Variants in STK32A observed in about 807,000 individuals in gnomAD.
STK32A encodes serine/threonine kinase 32A.
In STK32A, 41 loss-of-function variants were observed where a neutral mutation model predicts 53.2. The observed-to-expected ratio is 0.77, with a 90% CI of 0.60 to 1.00. STK32A has a LOEUF of 1.00. Among genes scored for constraint, STK32A ranks in the 50% least tolerant of loss-of-function variants. The probability of loss-of-function intolerance (pLI) is 0.00; values close to 1 mark genes in which losing one functional copy is unlikely to be tolerated. For synonymous variants in STK32A, 166 were observed against 162.8 expected (o/e 1.02, Z -0.15); for missense variants, 458 against 485.8 (o/e 0.94, Z 0.54).
chr5:147,242,055 G>A (rs1051924113), intron 2 of STK32A, among the ~76,000 whole-genome samples: 2 of 152,164 alleles, frequency 1.3e-5, no homozygotes, highest in Non-Finnish European at 2.9e-5. Flanking sequence ...TTACTTTAAA[G>A]GACTCTAGAA....
At chr5:147,391,579 T>G (rs1757805432), downstream of STK32A, 1 of 152,330 alleles carries the variant, frequency 6.6e-6, no homozygotes. Flanking sequence ...TTGCATGAGG[T>G]GCCAGTGAAT....
At chr5:147,241,279 C>T (rs562823379) in intron 2 of STK32A, among the ~76,000 whole-genome samples, 5 of 152,270 alleles carry the variant, frequency 3.3e-5, no homozygotes, top group African/African-American at 9.6e-5. Flanking sequence ...GAGATCGAGA[C>T]CATCCTGGCT....
the STK32A span, chr5:147,400,656 G>A: frequency 6.2e-7 from 1 of 1,605,774 alleles, no homozygotes; most frequent in Non-Finnish European, 8.5e-7. Context: ...TGGATGTTTT[G>A]GCTCTGGCCA....
At chr5:147,338,244 T>C (rs1355610449) in intron 5 of STK32A, among the ~76,000 whole-genome samples, 4 of 151,934 alleles carry the variant, frequency 2.6e-5, no homozygotes, top group Non-Finnish European at 4.4e-5. Flanking sequence ...AGTGGGTGAG[T>C]CTCATGAGAT....
At chr5:147,379,611 C>G (rs1172665094) in intron 11 of STK32A, among the ~76,000 whole-genome samples, 2 of 151,994 alleles carry the variant, frequency 1.3e-5, no homozygotes, top group Non-Finnish European at 2.9e-5. Flanking sequence ...TTTCTTTCCC[C>G]CCAGAATATC....
chr5:147,278,497 CT>C (rs1336406734), intron 3 of STK32A, among the ~76,000 whole-genome samples: 1 of 152,172 alleles, frequency 6.6e-6, no homozygotes, highest in Non-Finnish European at 1.5e-5. Flanking sequence ...ATTCTACCAG[CT>C]GTATGCCCAG....
intron 2 of STK32A, among the ~76,000 whole-genome samples, chr5:147,254,935 G>T (rs62380974): frequency 7.2e-5 from 11 of 151,852 alleles, no homozygotes; most frequent in Non-Finnish European, 1.2e-4. Flanking sequence ...GTCAGGAGAT[G>T]CAGACCATCC....
intron 4 of STK32A, among the ~76,000 whole-genome samples, chr5:147,306,328 T>C (rs1753407119): frequency 6.6e-6 from 1 of 152,060 alleles, no homozygotes; most frequent in South Asian, 2.1e-4. Context: ...TGAAAGCTCT[T>C]TATATATTCT....
chr5:147,331,431 G>A (rs1380713034), intron 5 of STK32A, among the ~76,000 whole-genome samples: 1 of 152,152 alleles, frequency 6.6e-6, no homozygotes, highest in Non-Finnish European at 1.5e-5. Context: ...CAAAGGCCCT[G>A]TTCTAGGTAT....
downstream of STK32A, chr5:147,392,675 C>G (rs1757846778): frequency 6.6e-6 from 1 of 152,288 alleles, no homozygotes; most frequent in African/African-American, 2.4e-5. Context: ...CAAGGTAGAT[C>G]GAAGCACCCA....
chr5:147,323,171 C>T (rs754760732), intron 4 of STK32A, among the ~76,000 whole-genome samples: 2 of 152,176 alleles, frequency 1.3e-5, no homozygotes, highest in Non-Finnish European at 2.9e-5. Context: ...GGTCCAGCAT[C>T]GTGAGGAAGG....
chr5:147,269,627 T>C (rs1030509650), intron 2 of STK32A, among the ~76,000 whole-genome samples: 6 of 152,124 alleles, frequency 3.9e-5, no homozygotes, highest in African/African-American at 1.4e-4. Context: ...TTTTACTTGA[T>C]TTTTTTTCCC....
intron 6 of STK32A, among the ~76,000 whole-genome samples, chr5:147,346,121 G>A (rs529001111): frequency 9.9e-5 from 15 of 152,206 alleles, no homozygotes; most frequent in African/African-American, 3.6e-4. Context: ...AATTCCTGTT[G>A]TTCACCTCTC....
chr5:147,357,213 C>A (rs921293620), intron 7 of STK32A, among the ~76,000 whole-genome samples: 2 of 152,034 alleles, frequency 1.3e-5, no homozygotes, highest in African/African-American at 2.4e-5. Flanking sequence ...TAATAGATTT[C>A]TGTTCTGAAA....
Position 147,237,023 on chromosome 5 carries a change from G to A in STK32A, c.-97+1824G>A, listed in dbSNP as rs556864256. Reference sequence around the variant, plus strand: ...ACAACTGCAAATCCTTAAAATTAATGTTCTCCCGGCCAGGCACGGTGGCTC... The same window carrying A: ...ACAACTGCAAATCCTTAAAATTAATATTCTCCCGGCCAGGCACGGTGGCTC... On this transcript the variant is annotated intron_variant, in intron 1 of 12. Coordinates refer to ENST00000397936, the MANE Select transcript of STK32A (RefSeq NM_001112724.2). 8.5e-5 allele frequency among the ~76,000 whole-genome samples: 13 copies of A among 152,172 alleles called. No individual in the cohort carries two copies. In the South Asian group the frequency reaches 2.7e-3, roughly 32 times the overall value.
At chr5:147,280,583 C>T (rs971417493) in intron 4 of STK32A, among the ~76,000 whole-genome samples, 1 of 151,964 alleles carries the variant, frequency 6.6e-6, no homozygotes, top group African/African-American at 2.4e-5. Flanking sequence ...AGGTACACAA[C>T]TCCAGTGACC....
intron 4 of STK32A, among the ~76,000 whole-genome samples, chr5:147,300,333 C>A (rs1753069348): frequency 1.3e-5 from 2 of 152,146 alleles, no homozygotes. Flanking sequence ...GACTTCAAAG[C>A]CTCTGCTCTT....
At chr5:147,347,497 A>G (rs1755745713) in intron 6 of STK32A, among the ~76,000 whole-genome samples, 1 of 152,306 alleles carries the variant, frequency 6.6e-6, no homozygotes, top group East Asian at 1.9e-4. Context: ...GATTATCAGG[A>G]TTCCAGCCAG....
At chr5:147,306,709 T>C (rs1323228648) in intron 4 of STK32A, among the ~76,000 whole-genome samples, 1 of 152,110 alleles carries the variant, frequency 6.6e-6, no homozygotes, top group Admixed American at 6.5e-5. Context: ...AATCTTCTGC[T>C]CAGATAAAGA....
Sources: allele counts gnomAD v4.1 joint callset (sites outside exome capture counted in the v4.1 genomes callset), GRCh38; gene constraint gnomAD v4.1.1; transcripts MANE v1.5; gene names NCBI Gene and HGNC (gene_info 2026-07-23, HGNC 2026-07-21).